Variants in ATP10B observed in about 807,000 individuals in gnomAD.
ATP10B encodes the protein ATPase phospholipid transporting 10B (putative).
A neutral mutation model predicts 141.2 loss-of-function variants in ATP10B; 122 were observed. That is an observed-to-expected ratio of 0.86 (90% CI 0.75 to 1.00). ATP10B has a LOEUF of 1.00. Among genes scored for constraint, ATP10B ranks in the 50% least tolerant of loss-of-function variants. The pLI is 0.00. For missense variants in ATP10B, 1,876 were observed against 1,825.3 expected (o/e 1.03, Z -0.51); for synonymous variants, 685 against 692.0 (o/e 0.99, Z 0.16).
Position 160,688,916 on chromosome 5 carries a change from T to G in ATP10B, c.-177A>C. On this transcript the variant is annotated 5_prime_UTR_variant, in exon 4 of 26. Transcript: ENST00000327245. The stretch of plus-strand genomic sequence containing the variant: ...GGAGTTGGGGATAGGGGATCCCTTT[T>G]CTTTTTCTCCACTCCATTTGGTGGT... 4 of 985,424 alleles carry G rather than the reference T, an allele frequency of 4.1e-6. No individual in the cohort carries two copies. Among genetic ancestry groups the G allele is most frequent in the Non-Finnish European group, 3.6e-6 (3 of 829,946 alleles). The allele number at this position is 985,424 out of a possible 1,614,324, so 61.0% of individuals were successfully genotyped here.
At chr5:160,827,253 G>A (rs1429390135) in intron 1 of ATP10B, among the ~76,000 whole-genome samples, 1 of 152,160 alleles carries the variant, frequency 6.6e-6, no homozygotes, top group East Asian at 1.9e-4. Context: ...CAGAAAATAG[G>A]AAGAACCTAC....
chr5:160,881,428 T>C, the ATP10B span, among the ~76,000 whole-genome samples: 3 of 152,186 alleles, frequency 2.0e-5, no homozygotes, highest in Non-Finnish European at 4.4e-5. Context: ...AATCCAACAA[T>C]TGTGCTTCTT....
rs1352103881 is a variant in ATP10B at position 160,604,096 on chromosome 5, T to C, written c.3161-55A>G. 8.9e-6 allele frequency: 12 copies of C among 1,341,602 alleles called. No individual in the cohort carries two copies. In the South Asian group the frequency reaches 1.3e-4, roughly 14 times the overall value. The allele number at this position is 1,341,602 out of a possible 1,614,324, so 83.1% of individuals were successfully genotyped here. A position where few individuals can be genotyped will look rare whatever the true frequency, so the allele number is the denominator to read the frequency against. ...TTTTGGTCCAACTGCTCAGTGACAA[T>C]GAGGTAGCTCTAAAGTGTCCCCAGT... On this transcript the variant is annotated intron_variant, in intron 19 of 25. Coordinates refer to ENST00000327245, the MANE Select transcript of ATP10B (RefSeq NM_025153.3).
chr5:160,842,546 G>GA (rs1178408484), intron 1 of ATP10B, among the ~76,000 whole-genome samples: 5 of 151,424 alleles, frequency 3.3e-5, no homozygotes, highest in African/African-American at 2.4e-5. Context: ...TGATAAAACA[G>GA]AAAAAAGAGA....
At chr5:160,895,303 A>G in the ATP10B span, among the ~76,000 whole-genome samples, 1 of 152,180 alleles carries the variant, frequency 6.6e-6, no homozygotes, top group Non-Finnish European at 1.5e-5. Flanking sequence ...TGTATTCAGG[A>G]GACCCATCTC....
chr5:160,708,787 C>CCATCA (rs1413729901), intron 3 of ATP10B, among the ~76,000 whole-genome samples: 24 of 152,302 alleles, frequency 1.6e-4, no homozygotes, highest in South Asian at 6.2e-4. Flanking sequence ...GATGGAAGAG[C>CCATCA]TGTCTGTCTA....
chr5:160,807,965 T>C (rs372068468), intron 1 of ATP10B, among the ~76,000 whole-genome samples: 5 of 152,196 alleles, frequency 3.3e-5, no homozygotes, highest in East Asian at 3.9e-4. Flanking sequence ...AGTCCCCTGG[T>C]CTTTTACTTG....
chr5:160,785,418 G>A, intron 2 of ATP10B, 141 bp downstream of exon 2: 4 of 332,586 alleles, frequency 1.2e-5, no homozygotes, highest in South Asian at 9.9e-5. Flanking sequence ...GATAGCGGTG[G>A]TGTTTTTTTT....
chr5:160,614,203 C>T (rs1305809910), intron 17 of ATP10B: 1 of 151,950 alleles, frequency 6.6e-6, no homozygotes, highest in Non-Finnish European at 1.5e-5. Context: ...GCCTCATCTT[C>T]CCCTATAAGC....
rs1451716784 is a variant in ATP10B, at chr5:160,653,919, TAA to T, written c.676-4665_676-4664del. ...TGTAGTATATACGTATATACATATA[TAA>T]ATATGTTGTATATACGTATATACAT... On this transcript the variant is annotated intron_variant, in intron 7 of 25. Transcript: ENST00000327245. Among the ~76,000 whole-genome samples the T allele has an allele frequency of 8.9e-3, 3 of 336 alleles. 1 individual carries two copies. Among genetic ancestry groups the T allele is most frequent in the East Asian group, 0.25 (2 of 8 alleles). The allele number at this position is 336 out of a possible 152,430, so 0.2% of individuals were successfully genotyped here.
intron 16 of ATP10B, among the ~76,000 whole-genome samples, chr5:160,616,413 C>T (rs1047587041): frequency 6.6e-6 from 1 of 152,156 alleles, no homozygotes; most frequent in East Asian, 1.9e-4. Context: ...GATCCAATGA[C>T]AGAGGGTCAA....
At chr5:160,850,916 A>C (rs1256262277) in intron 1 of ATP10B, among the ~76,000 whole-genome samples, 1 of 152,252 alleles carries the variant, frequency 6.6e-6, no homozygotes, top group Non-Finnish European at 1.5e-5. Context: ...GGTGTTATTA[A>C]GAGTAATTAT....
At chr5:160,640,855 G>A (rs1447473159) in intron 9 of ATP10B, among the ~76,000 whole-genome samples, 2 of 152,192 alleles carry the variant, frequency 1.3e-5, no homozygotes, top group East Asian at 1.9e-4. Flanking sequence ...GCTATGCCCT[G>A]TACAACTTTA....
intron 1 of ATP10B, among the ~76,000 whole-genome samples, chr5:160,832,369 T>C (rs1180197045): frequency 6.6e-6 from 1 of 152,134 alleles, no homozygotes; most frequent in African/African-American, 2.4e-5. Flanking sequence ...CAAAATACTA[T>C]ATAAATACTC....
intron 3 of ATP10B, among the ~76,000 whole-genome samples, chr5:160,689,205 C>T (rs1763932829): frequency 1.3e-5 from 2 of 152,304 alleles, no homozygotes; most frequent in Non-Finnish European, 1.5e-5. Context: ...TCTCAATAAA[C>T]TAGGTATTGA....
At chr5:160,797,836 A>T (rs1772063600) in intron 1 of ATP10B, among the ~76,000 whole-genome samples, 2 of 152,014 alleles carry the variant, frequency 1.3e-5, no homozygotes, top group African/African-American at 4.8e-5. Context: ...CATGCCTGTC[A>T]TCTGAGCTAC....
chr5:160,587,475 G>C (rs991439054), intron 24 of ATP10B, among the ~76,000 whole-genome samples: 1 of 152,120 alleles, frequency 6.6e-6, no homozygotes, highest in East Asian at 1.9e-4. Flanking sequence ...GAATAATGTT[G>C]ATGGTAGTTT....
At chr5:160,604,946 G>T (rs115541135) in intron 19 of ATP10B, among the ~76,000 whole-genome samples, 1 of 152,112 alleles carries the variant, frequency 6.6e-6, no homozygotes, top group African/African-American at 2.4e-5. Context: ...TTCTGTAAAG[G>T]GTCAGGTGGT....
intron 1 of ATP10B, among the ~76,000 whole-genome samples, chr5:160,809,178 T>C (rs71605444): frequency 1.3e-5 from 2 of 152,196 alleles, no homozygotes; most frequent in African/African-American, 2.4e-5. Context: ...TAGGCACTAG[T>C]TGTTCTCTGT....
Sources: allele counts gnomAD v4.1 joint callset (sites outside exome capture counted in the v4.1 genomes callset), GRCh38; gene constraint gnomAD v4.1.1; transcripts MANE v1.5; gene names NCBI Gene and HGNC (gene_info 2026-07-23, HGNC 2026-07-21).